The following TKT variants were observed in gnomAD, a reference collection of about 807,000 sequenced individuals.
TKT encodes the protein epididymis luminal protein 107.
In TKT, 47 loss-of-function variants were observed where a neutral mutation model predicts 63.9. That is an observed-to-expected ratio of 0.74 (90% CI 0.58 to 0.94). The LOEUF is 0.94. Ranked by LOEUF, TKT falls within the 40% of genes least tolerant of loss-of-function variation. The pLI, the probability that TKT is intolerant of heterozygous loss-of-function variation, is 0.00. For missense variants in TKT, 721 were observed against 846.2 expected, an observed-to-expected ratio of 0.85 and a Z score of 1.84; for synonymous variants, 338 against 334.1, an observed-to-expected ratio of 1.01 and a Z score of -0.13.
rs1387255874 is a variant in TKT, at chr3:53,235,021, G to A, written c.591C>T (p.His197=). 1 of 1,613,808 alleles carries A rather than the reference G, an allele frequency of 6.2e-7. No individual in the cohort carries two copies. Among genetic ancestry groups the A allele is most frequent in the Non-Finnish European group, 8.5e-7 (1 of 1,179,970 alleles). Residue 197 remains histidine (H), a synonymous_variant, in exon 5 of 14, where the codon CAC becomes CAT. Coordinates refer to ENST00000462138, the MANE Select transcript of TKT (RefSeq NM_001064.4). ...LGQSDPAPLQ[H]QMDIYQKRCE... is the part of the protein sequence containing the mutation. ...ACCGCTTCTGGTAGATGTCCATCTGGTGCTGCAGTGGGGCCGGGTCACTCT... is the reference window on the plus strand; with the variant it reads ...ACCGCTTCTGGTAGATGTCCATCTGATGCTGCAGTGGGGCCGGGTCACTCT...
intron 1 of TKT, among the ~76,000 whole-genome samples, chr3:53,251,516 G>A (rs1575576073): frequency 6.6e-6 from 1 of 152,338 alleles, no homozygotes; most frequent in East Asian, 1.9e-4. Flanking sequence ...TTCACCTCCA[G>A]GCCCAACTCC....
intron 13 of TKT, 125 bp downstream of exon 13, chr3:53,226,631 G>A (rs2106654053): frequency 7.1e-7 from 1 of 1,411,452 alleles, no homozygotes; most frequent in Non-Finnish European, 9.8e-7. Flanking sequence ...CAGCTGCTCT[G>A]AGGGACAGCT....
rs113123293 is a variant in TKT at position 53,232,809 on chromosome 3, C to T, written c.748+347G>A. On this transcript the variant is annotated intron_variant, in intron 6 of 13. Transcript: ENST00000462138. The stretch of plus-strand genomic sequence containing the variant: ...CGGCCCTTCAGCTGGAGCAGGTGGC[C>T]GGAGCTGGCAGAGCACACACAGCTG... The T allele has an allele frequency of 3.0e-3, 1,234 of 407,084 alleles. 1 individual carries two copies. The highest frequency in any genetic ancestry group is 4.4e-3 in the Non-Finnish European group (1,007 of 229,946). 25.2% of individuals were successfully genotyped at this position (407,084 alleles called of 1,614,324 possible).
At chr3:53,254,586 G>A (rs1272325309) in intron 1 of TKT, among the ~76,000 whole-genome samples, 1 of 152,184 alleles carries the variant, frequency 6.6e-6, no homozygotes, top group Non-Finnish European at 1.5e-5. Context: ...GAGCTTGTTT[G>A]GGAAGGTCCC....
intron 2 of TKT, among the ~76,000 whole-genome samples, chr3:53,241,621 T>A (rs1403159889): frequency 6.6e-6 from 1 of 152,190 alleles, no homozygotes; most frequent in African/African-American, 2.4e-5. Flanking sequence ...GAGGCAGGCC[T>A]GAGCACAGGT....
rs1553678294 is a variant in TKT at position 53,235,188 on chromosome 3, G to A, written c.438-14C>T. ...TAGACTCGGTAGCTGTGGACAGAGA[G>A]TGAATCAGGCCAGTCCCTCTCACCT... On this transcript the variant is annotated splice_polypyrimidine_tract_variant and intron_variant, in intron 4 of 13. Transcript: ENST00000462138. The A allele has an allele frequency of 1.2e-6, 2 of 1,601,162 alleles. No individual in the cohort carries two copies. The highest frequency in any genetic ancestry group is 1.8e-4 in the Middle Eastern group (1 of 5,480).
chr3:53,230,386 G>C, intron 8 of TKT, 71 bp downstream of exon 8: 1 of 1,592,876 alleles, frequency 6.3e-7, no homozygotes, highest in Non-Finnish European at 8.6e-7. Context: ...TGCCAACATG[G>C]CTGCCCCGCA....
At chr3:53,233,444 G>T (rs781815755) in intron 5 of TKT, 170 bp from the exon 6 acceptor site, 92 of 502,840 alleles carry the variant, frequency 1.8e-4, no homozygotes, top group Non-Finnish European at 2.7e-4. Context: ...TCCAGTTTGG[G>T]TTTTTTAAAT....
intron 6 of TKT, 97 bp from the exon 7 acceptor site, chr3:53,231,647 G>T: frequency 7.7e-7 from 1 of 1,294,058 alleles, no homozygotes; most frequent in Non-Finnish European, 1.1e-6. Context: ...TACCTGCCGA[G>T]GGCAAGGGAG....
In TKT at chr3:53,255,820, G is replaced by C; in HGVS notation, c.107+16C>G. 12 of 1,474,312 alleles carry C rather than the reference G, an allele frequency of 8.1e-6. No homozygotes were observed. The highest frequency in any genetic ancestry group is 2.9e-5 in the East Asian group (1 of 34,744). 91.3% of individuals were successfully genotyped at this position (1,474,312 alleles called of 1,614,324 possible). Reference sequence around the variant, plus strand: ...CCCCGCCCGAGCCGCGTCCCCGGCCGGCGCCGCGCACTCACCCAGAGCCCG... The same window carrying C: ...CCCCGCCCGAGCCGCGTCCCCGGCCCGCGCCGCGCACTCACCCAGAGCCCG... On this transcript the variant is annotated intron_variant, in intron 1 of 13. Coordinates refer to ENST00000462138, the MANE Select transcript of TKT (RefSeq NM_001064.4).
In TKT at chr3:53,231,562, AC is replaced by A; in HGVS notation, c.749-13del. 1 of 1,609,912 alleles carries A rather than the reference AC, an allele frequency of 6.2e-7. No individual in the cohort carries two copies. The highest frequency in any genetic ancestry group is 8.5e-7 in the Non-Finnish European group (1 of 1,177,582). On this transcript the variant is annotated splice_polypyrimidine_tract_variant and intron_variant, in intron 6 of 13. Transcript: ENST00000462138. ...CTTATCTTCTACCCCTGCAGACCCA[AC>A]ACGGGAGGACAGAGGAATGGGTAAG...
chr3:53,227,965 AAGAAAGAAC>A (rs1223741600), intron 12 of TKT, 82 bp downstream of exon 12: 11 of 1,139,224 alleles, frequency 9.7e-6, no homozygotes, highest in Admixed American at 4.4e-5. Context: ...TGAGCTCTTC[AAGAAAGAAC>A]AGAAAGAACG....
intron 7 of TKT, 106 bp from the exon 8 acceptor site, chr3:53,230,727 G>A (rs1704717031): frequency 7.3e-7 from 1 of 1,363,394 alleles, no homozygotes; most frequent in Non-Finnish European, 1.0e-6. Flanking sequence ...GCCAAAAATG[G>A]AAGCCCTGGA....
At chr3:53,236,759 A>G (rs1334280337) in intron 4 of TKT, among the ~76,000 whole-genome samples, 2 of 152,180 alleles carry the variant, frequency 1.3e-5, no homozygotes, top group Admixed American at 1.3e-4. Flanking sequence ...CTTCGAGACT[A>G]GGGACAAGGC....
intron 4 of TKT, 84 bp from the exon 5 acceptor site, chr3:53,235,258 A>G (rs918968643): frequency 3.1e-5 from 41 of 1,311,708 alleles, no homozygotes; most frequent in Non-Finnish European, 4.0e-5. Context: ...AGGAGCCTGC[A>G]TTCTGGGTAA....
chr3:53,242,549 G>A, intron 1 of TKT, among the ~76,000 whole-genome samples: 1 of 152,160 alleles, frequency 6.6e-6, no homozygotes, highest in Non-Finnish European at 1.5e-5. Context: ...GAAGGAAGGA[G>A]GGGCCCAGGA....
chr3:53,229,445 A>AG lies in TKT; in HGVS notation c.1108-10dup. On this transcript the variant is annotated splice_polypyrimidine_tract_variant and intron_variant, in intron 8 of 13. Transcript: ENST00000462138. ...CCCACCGCGATGCTCACCTGGGGGC[A>AG]GGTGGGACAGGGTCAGCCCAAAGGG... is the stretch of plus-strand genomic sequence containing the variant. 1.3e-6 allele frequency: 2 copies of AG among 1,597,812 alleles called. No homozygotes were observed. Among genetic ancestry groups the AG allele is most frequent in the Non-Finnish European group, 1.7e-6 (2 of 1,172,676 alleles).
chr3:53,255,817 G>T lies in TKT; in HGVS notation c.107+19C>A, dbSNP rs1049963521. On this transcript the variant is annotated intron_variant, in intron 1 of 13. Transcript: ENST00000462138. ...CCGCCCCGCCCGAGCCGCGTCCCCGGCCGGCGCCGCGCACTCACCCAGAGC... is the reference window on the plus strand; with the variant it reads ...CCGCCCCGCCCGAGCCGCGTCCCCGTCCGGCGCCGCGCACTCACCCAGAGC... 4 of 1,466,566 alleles carry T rather than the reference G, an allele frequency of 2.7e-6. No individual in the cohort carries two copies. In the African/African-American group the frequency reaches 4.4e-5, roughly 16 times the overall value. The allele number at this position is 1,466,566 out of a possible 1,614,324, so 90.8% of individuals were successfully genotyped here. A position where few individuals can be genotyped will look rare whatever the true frequency, so the allele number is the denominator to read the frequency against.
rs529469320 is a variant in TKT at position 53,240,410 on chromosome 3, A to G, written c.340-62T>C. 8.0e-5 allele frequency: 120 copies of G among 1,508,722 alleles called. No homozygotes were observed. In the African/African-American group the frequency reaches 1.2e-3, roughly 15 times the overall value. The allele number at this position is 1,508,722 out of a possible 1,614,324, so 93.5% of individuals were successfully genotyped here. Reference sequence around the variant, plus strand: ...GAAGGGATCCTGGTCTCACCCGCCTAGGGAGCCACACTCCCACCCAGCCCA... The same window carrying G: ...GAAGGGATCCTGGTCTCACCCGCCTGGGGAGCCACACTCCCACCCAGCCCA... On this transcript the variant is annotated intron_variant, in intron 3 of 13. Coordinates refer to ENST00000462138, the MANE Select transcript of TKT (RefSeq NM_001064.4).
Sources: allele counts gnomAD v4.1 joint callset (sites outside exome capture counted in the v4.1 genomes callset), GRCh38; gene constraint gnomAD v4.1.1; transcripts MANE v1.5; gene names NCBI Gene and HGNC (gene_info 2026-07-23, HGNC 2026-07-21).